CHRM3: variants seen among roughly 807,000 people sequenced by gnomAD.
CHRM3 encodes the protein muscarinic acetylcholine receptor M3.
Under a neutral mutation model 41.8 loss-of-function variants are expected in CHRM3, and 11 were observed. That is an observed-to-expected ratio of 0.26 (90% CI 0.17 to 0.44). The LOEUF is 0.44. CHRM3 is among the 20% of genes least tolerant of loss of function. The pLI is 1.00. For synonymous variants in CHRM3, 297 were observed against 301.4 expected (o/e 0.99, Z 0.15); for missense variants, 571 against 745.4 (o/e 0.77, Z 2.72).
At chr1:239,870,658 G>A (rs7543802) in intron 6 of CHRM3, among the ~76,000 whole-genome samples, 4,465 of 152,176 alleles carry the variant, frequency 0.029, 228 homozygotes, top group African/African-American at 0.1. Context: ...TCTATGTTCC[G>A]TGCTGGGCAT....
At chr1:239,441,466 A>G (rs984174181) in intron 1 of CHRM3, among the ~76,000 whole-genome samples, 2 of 152,186 alleles carry the variant, frequency 1.3e-5, no homozygotes, top group African/African-American at 2.4e-5. Context: ...AGAAATTCCA[A>G]TATTTGTCTA....
intron 2 of CHRM3, among the ~76,000 whole-genome samples, chr1:239,541,900 A>G (rs1419905670): frequency 6.6e-6 from 1 of 152,142 alleles, no homozygotes; most frequent in Non-Finnish European, 1.5e-5. Flanking sequence ...CTCTCAACAA[A>G]TATTAGAACC....
At chr1:239,679,311 C>G (rs1658330539) in intron 5 of CHRM3, among the ~76,000 whole-genome samples, 1 of 152,040 alleles carries the variant, frequency 6.6e-6, no homozygotes, top group African/African-American at 2.4e-5. Context: ...CTCCCCTGCC[C>G]CCATCAGAAG....
At chr1:239,613,161 A>G (rs1324389936) in intron 3 of CHRM3, among the ~76,000 whole-genome samples, 1 of 152,170 alleles carries the variant, frequency 6.6e-6, no homozygotes, top group Non-Finnish European at 1.5e-5. Flanking sequence ...AGGAGGACCT[A>G]AGCAGCGAAG....
intron 3 of CHRM3, among the ~76,000 whole-genome samples, chr1:239,566,551 A>C (rs1457746748): frequency 6.6e-6 from 1 of 152,306 alleles, no homozygotes; most frequent in Middle Eastern, 3.4e-3. Context: ...TTTTGATTCA[A>C]GCTCTTCTGT....
chr1:239,697,994 A>G (rs1276216464), intron 5 of CHRM3, among the ~76,000 whole-genome samples: 3 of 152,200 alleles, frequency 2.0e-5, no homozygotes, highest in African/African-American at 7.2e-5. Flanking sequence ...GGCAGCATAG[A>G]AAAGTAAGGG....
chr1:239,543,406 C>A (rs1422930206), intron 2 of CHRM3, among the ~76,000 whole-genome samples: 1 of 152,162 alleles, frequency 6.6e-6, no homozygotes, highest in Non-Finnish European at 1.5e-5. Context: ...GGGTTCCCAA[C>A]CTCTGCTTCC....
At chr1:239,662,911 T>TTCTTCTTCTTCTTCC (rs1229684384) in intron 4 of CHRM3, among the ~76,000 whole-genome samples, 5 of 147,054 alleles carry the variant, frequency 3.4e-5, no homozygotes, top group African/African-American at 1.3e-4. Flanking sequence ...CTTCTTCTTC[T>TTCTTCTTCTTCTTCC]TCTTCTTCTT....
Position 239,913,946 on chromosome 1 carries a change from C to G in CHRM3, c.*4722C>G, listed in dbSNP as rs12021598. 8,122 of 167,030 alleles carry G rather than the reference C, an allele frequency of 0.049. 312 individuals carry two copies. Among genetic ancestry groups the G allele is most frequent in the East Asian group, 0.19 (991 of 5,168 alleles). 10.3% of individuals were successfully genotyped at this position (167,030 alleles called of 1,614,324 possible). A position where few individuals can be genotyped will look rare whatever the true frequency, so the allele number is the denominator to read the frequency against. On this transcript the variant is annotated 3_prime_UTR_variant, in exon 7 of 7. Transcript: ENST00000676153. ...CAGAGACTCACACAAAGTTCTGACC[C>G]TACCACTCTGGTCTGGGCTGAGACC...
In CHRM3 at chr1:239,907,585, C is replaced by A. The variant is rs768096500; in HGVS notation, c.134C>A (p.Ala45Glu). The A allele has an allele frequency of 1.2e-6, 2 of 1,614,056 alleles. No homozygotes were observed. The highest frequency in any genetic ancestry group is 1.3e-5 in the African/African-American group (1 of 74,918). The change falls in exon 7 of 7, where the codon GCA becomes GAA. Residue 45 changes from alanine to glutamate, a missense_variant. Physicochemically the swap from Ala to Glu is moderately radical, Grantham distance 107. Transcript: ENST00000676153. The surrounding 1 kb of genome is among the most constrained non-coding windows in gnomAD (Gnocchi z 5.4). ...TTCGGCAGCTACAATGTTTCTCGAG[C>A]AGCTGGCAATTTCTCCTCTCCAGAC... ...THFGSYNVSR[A>E]AGNFSSPDGT...
intron 1 of CHRM3, among the ~76,000 whole-genome samples, chr1:239,414,282 G>T (rs1043759517): frequency 5.3e-5 from 8 of 152,028 alleles, no homozygotes; most frequent in Admixed American, 5.2e-4. Context: ...GCTTGTCTTT[G>T]ACATAAATGA....
At chr1:239,679,666 G>A (rs982866057) in intron 5 of CHRM3, among the ~76,000 whole-genome samples, 2 of 151,990 alleles carry the variant, frequency 1.3e-5, no homozygotes, top group Admixed American at 6.6e-5. Context: ...CCTGATTTAA[G>A]GCAGAAATTG....
At chr1:239,726,846 C>T (rs1663484950) in intron 5 of CHRM3, among the ~76,000 whole-genome samples, 1 of 151,914 alleles carries the variant, frequency 6.6e-6, no homozygotes. Flanking sequence ...ATCCCAGCAT[C>T]TAGCAGTACC....
At chr1:239,507,795 T>G (rs908917086) in intron 2 of CHRM3, among the ~76,000 whole-genome samples, 1 of 152,166 alleles carries the variant, frequency 6.6e-6, no homozygotes, top group Non-Finnish European at 1.5e-5. Flanking sequence ...AGTTAAAAAG[T>G]TAAAATCTGC....
intron 5 of CHRM3, among the ~76,000 whole-genome samples, chr1:239,792,436 G>T (rs962649934): frequency 6.6e-6 from 1 of 152,174 alleles, no homozygotes; most frequent in Non-Finnish European, 1.5e-5. Flanking sequence ...CAGGCTCTGG[G>T]TGAGGTCTTG....
intron 5 of CHRM3, among the ~76,000 whole-genome samples, chr1:239,820,569 G>A (rs770513142): frequency 6.6e-6 from 1 of 152,138 alleles, no homozygotes; most frequent in Non-Finnish European, 1.5e-5. Flanking sequence ...CCTATGCTTC[G>A]GGAGAGATGT....
At chr1:239,809,709 G>A (rs1056780878) in intron 5 of CHRM3, among the ~76,000 whole-genome samples, 1 of 151,672 alleles carries the variant, frequency 6.6e-6, no homozygotes, top group East Asian at 2.0e-4. Context: ...ATGTTGCCCA[G>A]GCTGGTCTCG....
chr1:239,608,665 C>T (rs959960479), intron 3 of CHRM3, among the ~76,000 whole-genome samples: 3 of 152,036 alleles, frequency 2.0e-5, no homozygotes, highest in East Asian at 1.9e-4. Context: ...ATGGCGCTGC[C>T]GAGCCAGCAG....
intron 5 of CHRM3, among the ~76,000 whole-genome samples, chr1:239,692,595 T>A (rs1430363818): frequency 6.6e-6 from 1 of 152,172 alleles, no homozygotes; most frequent in Non-Finnish European, 1.5e-5. Context: ...GAAGAGGGTT[T>A]GCAGGATAAT....
Sources: allele counts gnomAD v4.1 joint callset (sites outside exome capture counted in the v4.1 genomes callset), GRCh38; gene constraint gnomAD v4.1.1; non-coding constraint Gnocchi (gnomAD v3.1); transcripts MANE v1.5; gene names NCBI Gene and HGNC (gene_info 2026-07-23, HGNC 2026-07-21).